The following BCAS3 variants were observed in gnomAD, a reference collection of about 807,000 sequenced individuals.
The protein encoded by BCAS3 is BCAS3 microtubule associated cell migration factor, also known as BCAS4/BCAS3 fusion.
In BCAS3, 53 loss-of-function variants were observed where a neutral mutation model predicts 116.1. The ratio of observed to expected loss-of-function variants is 0.46; its 90% CI spans 0.37 to 0.57. The LOEUF is 0.57. BCAS3 is among the 20% of genes least tolerant of loss of function. BCAS3 has a pLI of 0.00. For synonymous variants in BCAS3, 391 were observed against 408.2 expected (o/e 0.96, Z 0.51); for missense variants, 917 against 1,165.4 (o/e 0.79, Z 3.10).
intron 22 of BCAS3, among the ~76,000 whole-genome samples, chr17:61,338,551 C>A (rs1350692598): frequency 6.6e-6 from 1 of 152,040 alleles, no homozygotes; most frequent in Non-Finnish European, 1.5e-5. Flanking sequence ...ACTTTTTAAT[C>A]ATTTCTTTTG....
intron 7 of BCAS3, among the ~76,000 whole-genome samples, chr17:60,840,333 A>G (rs1220193091): frequency 6.6e-6 from 1 of 152,220 alleles, no homozygotes; most frequent in African/African-American, 2.4e-5. Flanking sequence ...TGCAGAAGGT[A>G]CAGTGTGAGG....
rs1373963801 is a variant in BCAS3, at chr17:61,020,257, A to T, written c.1637+4356A>T. ...AACATCTGCCTTCTTATGTTTGCAA[A>T]TACATATGCCTGAAAGCCTGTGCAG... On this transcript the variant is annotated intron_variant, in intron 16 of 23. Transcript: ENST00000407086. The surrounding 1 kb of genome is among the most constrained non-coding windows in gnomAD (Gnocchi z 4.5). 1.3e-5 allele frequency among the ~76,000 whole-genome samples: 2 copies of T among 152,228 alleles called. No homozygotes were observed. The highest frequency in any genetic ancestry group is 1.9e-4 in the East Asian group (1 of 5,198).
intron 22 of BCAS3, among the ~76,000 whole-genome samples, chr17:61,312,190 T>C (rs1229663798): frequency 4.6e-5 from 7 of 152,074 alleles, no homozygotes; most frequent in Non-Finnish European, 1.0e-4. Context: ...GATCCAACTC[T>C]CCATAAGCAA....
chr17:60,818,844 T>C (rs971323609), intron 7 of BCAS3, among the ~76,000 whole-genome samples: 8 of 152,152 alleles, frequency 5.3e-5, no homozygotes, highest in Admixed American at 5.2e-4. Context: ...CCGTTTATGC[T>C]GACAGCTGCC....
At chr17:60,754,298 T>C (rs537453204) in intron 6 of BCAS3, among the ~76,000 whole-genome samples, 6 of 152,298 alleles carry the variant, frequency 3.9e-5, no homozygotes, top group African/African-American at 1.4e-4. Context: ...CTTGACCTCC[T>C]GGGCCCAAGT....
Position 61,381,267 on chromosome 17 carries a change from T to C in BCAS3, c.2594-10710T>C, listed in dbSNP as rs927294556. Reference sequence around the variant, plus strand: ...TTGTTATTCCTCCTGGAGGAGCAAATGGAAAGGCTCGCCTGAGCCAGCTGA... The same window carrying C: ...TTGTTATTCCTCCTGGAGGAGCAAACGGAAAGGCTCGCCTGAGCCAGCTGA... On this transcript the variant is annotated intron_variant, in intron 23 of 23. Coordinates refer to ENST00000407086, the MANE Select transcript of BCAS3 (RefSeq NM_017679.5). The surrounding 1 kb of genome is among the most constrained non-coding windows in gnomAD (Gnocchi z 6.0). Among the ~76,000 whole-genome samples the C allele has an allele frequency of 6.6e-6, 1 of 152,128 alleles. No homozygotes were observed. Among genetic ancestry groups the C allele is most frequent in the African/African-American group, 2.4e-5 (1 of 41,440 alleles).
At chr17:60,765,357 C>T (rs993765122) in intron 6 of BCAS3, among the ~76,000 whole-genome samples, 2 of 152,064 alleles carry the variant, frequency 1.3e-5, no homozygotes, top group Non-Finnish European at 2.9e-5. Context: ...TTTAGTGATT[C>T]CTTCAGGAGC....
chr17:60,794,306 C>T (rs1026616529), intron 6 of BCAS3, among the ~76,000 whole-genome samples: 2 of 151,992 alleles, frequency 1.3e-5, no homozygotes, highest in African/African-American at 4.8e-5. Flanking sequence ...GGATATTAGC[C>T]CTTTGTCAGA....
intron 6 of BCAS3, among the ~76,000 whole-genome samples, chr17:60,791,913 A>G (rs2046800544): frequency 6.6e-6 from 1 of 152,088 alleles, no homozygotes; most frequent in Admixed American, 6.6e-5. Flanking sequence ...TCACGAGGTT[A>G]GGAGTTCAAG....
In BCAS3 at chr17:61,326,025, C is replaced by G. The variant is rs184346369; in HGVS notation, c.2426-42302C>G. On this transcript the variant is annotated intron_variant, in intron 22 of 23. Transcript: ENST00000407086. This position sits in a 1 kb window ranked among gnomAD's most constrained non-coding sequence, Gnocchi z 5.3. ...CATTTGTTTGGCATCCATCAAATCT[C>G]TATAAATGCTAACTGTGTGTGCTAT... is the stretch of plus-strand genomic sequence containing the variant. Among the ~76,000 whole-genome samples the G allele has an allele frequency of 5.9e-5, 9 of 152,322 alleles. No homozygotes were observed. In the East Asian group the frequency reaches 1.7e-3, roughly 29 times the overall value.
In BCAS3 at chr17:60,924,342, A is replaced by T; in HGVS notation, c.994-65A>T. ...AGTGGTTTGTGATGTGCCTTCTTAT[A>T]GGCTTCAAGCTCGGTTATCAGTGAG... is the stretch of plus-strand genomic sequence containing the variant. On this transcript the variant is annotated intron_variant, in intron 12 of 23. Transcript: ENST00000407086. 2.2e-6 allele frequency: 3 copies of T among 1,384,556 alleles called. No homozygotes were observed. In the Admixed American group the frequency reaches 5.1e-5, roughly 23 times the overall value. 85.8% of individuals were successfully genotyped at this position (1,384,556 alleles called of 1,614,324 possible). A position where few individuals can be genotyped will look rare whatever the true frequency, so the allele number is the denominator to read the frequency against.
chr17:61,184,407 C>T (rs1412442974), intron 22 of BCAS3, among the ~76,000 whole-genome samples: 1 of 151,978 alleles, frequency 6.6e-6, no homozygotes, highest in African/African-American at 2.4e-5. Context: ...GGAAATGATA[C>T]TGTGTACAAC....
intron 22 of BCAS3, among the ~76,000 whole-genome samples, chr17:61,143,306 AAC>A (rs2077020176): frequency 6.6e-6 from 1 of 152,174 alleles, no homozygotes; most frequent in African/African-American, 2.4e-5. Flanking sequence ...CTTACTTTGA[AAC>A]ATTCTCAAAA....
intron 22 of BCAS3, among the ~76,000 whole-genome samples, chr17:61,125,502 C>T (rs1356659359): frequency 2.0e-5 from 3 of 151,990 alleles, no homozygotes; most frequent in African/African-American, 7.2e-5. Context: ...ATTTTAAATT[C>T]ATTGCTTTGT....
At position 61,378,215 on chromosome 17, in the gene BCAS3, G is replaced by A. The variant is rs895679894; in HGVS notation, c.2593+9721G>A. The stretch of plus-strand genomic sequence containing the variant: ...CCTCCTCCACCTTCTTGCCAATATA[G>A]GATCCCAGCATCCCCAGCATGCACC... On this transcript the variant is annotated intron_variant, in intron 23 of 23. Transcript: ENST00000407086. This position sits in a 1 kb window ranked among gnomAD's most constrained non-coding sequence, Gnocchi z 5.8. The A allele has an allele frequency of 2.0e-5, 3 of 152,142 alleles. No homozygotes were observed. The highest frequency in any genetic ancestry group is 4.4e-5 in the Non-Finnish European group (3 of 68,096). 9.4% of individuals were successfully genotyped at this position (152,142 alleles called of 1,614,324 possible).
In BCAS3 at chr17:61,379,563, C is replaced by T. The variant is rs1041951822; in HGVS notation, c.2593+11069C>T. On this transcript the variant is annotated intron_variant, in intron 23 of 23. Transcript: ENST00000407086. The surrounding 1 kb of genome is among the most constrained non-coding windows in gnomAD (Gnocchi z 5.5). ...GGCATTTTGGAGCCCATCCCGGAAACAGCTTTCCAGCCTTGGCCTTTTACT... is the reference window on the plus strand; with the variant it reads ...GGCATTTTGGAGCCCATCCCGGAAATAGCTTTCCAGCCTTGGCCTTTTACT... 24 of 152,250 alleles carry T rather than the reference C, an allele frequency of 1.6e-4. No individual in the cohort carries two copies. Among genetic ancestry groups the T allele is most frequent in the Admixed American group, 1.3e-3 (20 of 15,286 alleles). 9.4% of individuals were successfully genotyped at this position (152,250 alleles called of 1,614,324 possible).
chr17:61,299,442 C>CAAAAAAAAAAAAAAA (rs538072648), intron 22 of BCAS3, among the ~76,000 whole-genome samples: 72 of 57,062 alleles, frequency 1.3e-3, no homozygotes, highest in Non-Finnish European at 1.8e-3. Flanking sequence ...GACTCCATCT[C>CAAAAAAAAAAAAAAA]AAAAAAAAAA....
Position 61,007,957 on chromosome 17 carries a change from T to C in BCAS3, c.1487-7794T>C, listed in dbSNP as rs2064835206. Reference sequence around the variant, plus strand: ...AAAATGAATCAGTGCCCACACAGGATTGTCCTTCAGTATTTTCTGTCTTTA... The same window carrying C: ...AAAATGAATCAGTGCCCACACAGGACTGTCCTTCAGTATTTTCTGTCTTTA... On this transcript the variant is annotated intron_variant, in intron 15 of 23. Coordinates refer to ENST00000407086, the MANE Select transcript of BCAS3 (RefSeq NM_017679.5). This position sits in a 1 kb window ranked among gnomAD's most constrained non-coding sequence, Gnocchi z 4.3. Among the ~76,000 whole-genome samples, 2 of 152,054 alleles carry C rather than the reference T, an allele frequency of 1.3e-5. No homozygotes were observed. The highest frequency in any genetic ancestry group is 2.9e-5 in the Non-Finnish European group (2 of 67,984).
rs1490015619 is a variant in BCAS3, at chr17:61,279,288, A to G, written c.2426-89039A>G. ...AGTGGGTGAATTGTATGTTAGGTGA[A>G]TTATATCTCAATAAATCTTTTTTTT... is the stretch of plus-strand genomic sequence containing the variant. On this transcript the variant is annotated intron_variant, in intron 22 of 23. Coordinates refer to ENST00000407086, the MANE Select transcript of BCAS3 (RefSeq NM_017679.5). The surrounding 1 kb of genome is among the most constrained non-coding windows in gnomAD (Gnocchi z 4.4). Among the ~76,000 whole-genome samples, 1 of 152,072 alleles carries G rather than the reference A, an allele frequency of 6.6e-6. No individual in the cohort carries two copies. Among genetic ancestry groups the G allele is most frequent in the African/African-American group, 2.4e-5 (1 of 41,408 alleles).
Sources: allele counts gnomAD v4.1 joint callset (sites outside exome capture counted in the v4.1 genomes callset), GRCh38; gene constraint gnomAD v4.1.1; non-coding constraint Gnocchi (gnomAD v3.1); transcripts MANE v1.5; gene names NCBI Gene and HGNC (gene_info 2026-07-23, HGNC 2026-07-21).